CDH2: variants seen among roughly 807,000 people sequenced by gnomAD.
CDH2 encodes cadherin 2.
In CDH2, 17 loss-of-function variants were observed where a neutral mutation model predicts 92.0. That is an observed-to-expected ratio of 0.18 (90% CI 0.13 to 0.28). The LOEUF (loss-of-function observed/expected upper bound fraction) is 0.28. CDH2 is among the 10% of genes least tolerant of loss of function. CDH2 has a pLI of 1.00. For synonymous variants in CDH2, 419 were observed against 415.9 expected (o/e 1.01, Z -0.09); for missense variants, 862 against 1,133.1 (o/e 0.76, Z 3.44).
rs1909468991 is a variant in CDH2, at chr18:27,951,799, A to G, written c.*354T>C. On this transcript the variant is annotated 3_prime_UTR_variant, in exon 16 of 16. Coordinates refer to ENST00000269141, the MANE Select transcript of CDH2 (RefSeq NM_001792.5). ...AGCGTGTTGAAGCATATCATGGTTT[A>G]ACTTACTGCTCCCACCACAAAATAT... 1 of 203,862 alleles carries G rather than the reference A, an allele frequency of 4.9e-6. No homozygotes were observed. The highest frequency in any genetic ancestry group is 2.3e-5 in the African/African-American group (1 of 43,136). The allele number at this position is 203,862 out of a possible 1,614,324, so 12.6% of individuals were successfully genotyped here. A position where few individuals can be genotyped will look rare whatever the true frequency, so the allele number is the denominator to read the frequency against.
chr18:28,023,598 T>C (rs1567968503), intron 2 of CDH2, among the ~76,000 whole-genome samples: 1 of 152,192 alleles, frequency 6.6e-6, no homozygotes, highest in Non-Finnish European at 1.5e-5. Context: ...GTGTTGGGAT[T>C]ACAGACCAAC....
At chr18:27,964,721 C>A (rs1271168688) in intron 14 of CDH2, among the ~76,000 whole-genome samples, 1 of 152,108 alleles carries the variant, frequency 6.6e-6, no homozygotes, top group African/African-American at 2.4e-5. Flanking sequence ...GTTTTATTAT[C>A]CCCACTTAAG....
intron 5 of CDH2, among the ~76,000 whole-genome samples, chr18:28,007,442 T>A (rs1367294086): frequency 6.6e-6 from 1 of 151,738 alleles, no homozygotes; most frequent in Non-Finnish European, 1.5e-5. Context: ...ATGCTTGCCA[T>A]TGGTTGCTGC....
intron 2 of CDH2, among the ~76,000 whole-genome samples, chr18:28,078,628 C>T (rs1359490894): frequency 6.6e-6 from 1 of 151,966 alleles, no homozygotes; most frequent in African/African-American, 2.4e-5. Context: ...ATACTAAATT[C>T]TCCCTTCCAA....
intron 2 of CDH2, among the ~76,000 whole-genome samples, chr18:28,103,771 G>A (rs1018606403): frequency 6.6e-6 from 1 of 151,836 alleles, no homozygotes; most frequent in Non-Finnish European, 1.5e-5. Flanking sequence ...CTGTTCATGT[G>A]TTAGTTTGCT....
chr18:27,989,396 T>C (rs1273220070), intron 10 of CDH2, among the ~76,000 whole-genome samples: 2 of 152,292 alleles, frequency 1.3e-5, no homozygotes, highest in East Asian at 3.9e-4. Context: ...TTATTAATAG[T>C]TATCTTGATT....
chr18:28,048,373 A>T (rs1237528071), intron 2 of CDH2, among the ~76,000 whole-genome samples: 1 of 152,120 alleles, frequency 6.6e-6, no homozygotes, highest in Non-Finnish European at 1.5e-5. Flanking sequence ...TTTTGCTTCA[A>T]CTATCTGCTT....
rs776060409 is a variant in CDH2 at position 27,952,176 on chromosome 18, T to C, written c.2698A>G (p.Met900Val). The C allele has an allele frequency of 1.2e-6, 2 of 1,613,610 alleles. No individual in the cohort carries two copies. The highest frequency in any genetic ancestry group is 2.2e-5 in the South Asian group (2 of 91,076). ...GTTCAGTCATCACCTCCACCATACA[T>C]GTCAGCAAGTTTCTTGAACCGTGGC... ...WGPRFKKLADMYGGGDD is the reference protein window; with the variant it reads ...WGPRFKKLADVYGGGDD Residue 900 changes from methionine to valine, a missense_variant, in exon 16 of 16, where the codon ATG becomes GTG. Met to Val is a conservative substitution (Grantham distance 21). This residue lies in a region of CDH2 where 114 missense variants were observed against 144.8 expected (regional missense o/e 0.79). Transcript: ENST00000269141.
At chr18:28,121,686 G>T (rs993812867) in intron 2 of CDH2, among the ~76,000 whole-genome samples, 2 of 142,916 alleles carry the variant, frequency 1.4e-5, no homozygotes, top group African/African-American at 4.9e-5. Flanking sequence ...TGGGGATTAG[G>T]GTTACCAAAA....
chr18:28,105,161 TA>T (rs1158741723), intron 2 of CDH2, among the ~76,000 whole-genome samples: 1 of 152,156 alleles, frequency 6.6e-6, no homozygotes, highest in East Asian at 1.9e-4. Context: ...TGAAAAGCTC[TA>T]AAGTTCCATC....
At chr18:27,960,435 A>G (rs2011371206) in intron 15 of CDH2, among the ~76,000 whole-genome samples, 1 of 152,220 alleles carries the variant, frequency 6.6e-6, no homozygotes, top group African/African-American at 2.4e-5. Flanking sequence ...AATGACAAGT[A>G]GAGTTCTCTG....
chr18:28,073,478 T>A (rs2014659624), intron 2 of CDH2, among the ~76,000 whole-genome samples: 1 of 152,194 alleles, frequency 6.6e-6, no homozygotes, highest in African/African-American at 2.4e-5. Flanking sequence ...ATAAAGATAC[T>A]ATTTTAAATT....
chr18:27,993,649 TAA>T lies in CDH2; in HGVS notation c.1021-14_1021-13del. 1 of 1,594,618 alleles carries T rather than the reference TAA, an allele frequency of 6.3e-7. No individual in the cohort carries two copies. ...TACTGTTGCACTTTCTAAAAAGACA[TAA>T]AGATAAGAACTTAAATGAAACTAAT... On this transcript the variant is annotated splice_polypyrimidine_tract_variant and intron_variant, in intron 7 of 15. Transcript: ENST00000269141.
chr18:27,965,967 G>A (rs919933226), intron 14 of CDH2, among the ~76,000 whole-genome samples: 6 of 114,132 alleles, frequency 5.3e-5, no homozygotes, highest in African/African-American at 1.4e-4. Context: ...CAGCCCGGGC[G>A]ACAGAAAGAC....
chr18:27,975,632 C>T (rs560768226), intron 14 of CDH2, among the ~76,000 whole-genome samples: 17 of 152,334 alleles, frequency 1.1e-4, no homozygotes, highest in South Asian at 2.1e-4. Context: ...CTCTGCTGTC[C>T]GCAGACAGCA....
At chr18:27,962,568 C>G (rs2011435516) in intron 15 of CDH2, among the ~76,000 whole-genome samples, 1 of 152,018 alleles carries the variant, frequency 6.6e-6, no homozygotes. Context: ...TTGGAGACAC[C>G]AATGATATGA....
In CDH2 at chr18:28,009,854, T is replaced by C. The variant is rs1342149311; in HGVS notation, c.565A>G (p.Lys189Glu). The change falls in exon 5 of 16, where the codon AAA (lysine) becomes GAA (glutamate). Residue 189 changes from lysine (K) to glutamate (E), a missense_variant. Physicochemically the swap from Lys to Glu is moderately conservative, Grantham distance 56 (BLOSUM62 1). Coordinates refer to ENST00000269141, the MANE Select transcript of CDH2 (RefSeq NM_001792.5). ...ACACTGTACCGCAGTGAAAGGTTTT[T>C]ATCTCTATCAGACCTGATCTGAGGA... ...ELVRIRSDRD[K>E]NLSLRYSVTG... 1.2e-6 allele frequency: 2 copies of C among 1,612,856 alleles called. No individual in the cohort carries two copies. The highest frequency in any genetic ancestry group is 1.7e-6 in the Non-Finnish European group (2 of 1,179,440).
At chr18:27,960,023 C>G (rs1598989218) in intron 15 of CDH2, among the ~76,000 whole-genome samples, 1 of 105,720 alleles carries the variant, frequency 9.5e-6, no homozygotes, top group Non-Finnish European at 2.3e-5. Flanking sequence ...TCTTAAAACA[C>G]ACACACACAC....
intron 6 of CDH2, among the ~76,000 whole-genome samples, chr18:27,943,508 A>G (rs1909192399): frequency 1.3e-5 from 2 of 152,236 alleles, no homozygotes; most frequent in South Asian, 4.1e-4. Context: ...ACACAACTAC[A>G]GCACCTTGCT....
Sources: allele counts gnomAD v4.1 joint callset (sites outside exome capture counted in the v4.1 genomes callset), GRCh38; gene constraint gnomAD v4.1.1; regional missense constraint gnomAD v4.1.1; transcripts MANE v1.5; gene names NCBI Gene and HGNC (gene_info 2026-07-23, HGNC 2026-07-21).